The following CDK5RAP2 variants were observed in gnomAD, a reference collection of about 807,000 sequenced individuals.
CDK5RAP2 encodes CDK5 regulatory subunit associated protein 2, also known as CDK5 regulatory subunit-associated protein 2.
A neutral mutation model predicts 232.9 loss-of-function variants in CDK5RAP2; 147 were observed. The observed-to-expected ratio is 0.63, with a 90% CI of 0.55 to 0.72. The LOEUF (loss-of-function observed/expected upper bound fraction) is 0.72, where lower values mean the gene tolerates loss of function less well. Ranked by LOEUF, CDK5RAP2 falls within the 30% of genes least tolerant of loss-of-function variation. CDK5RAP2 has a pLI of 0.00. For synonymous variants in CDK5RAP2, 833 were observed against 833.7 expected, an observed-to-expected ratio of 1.00 and a Z score of 0.01; for missense variants, 2,195 against 2,231.5, an observed-to-expected ratio of 0.98 and a Z score of 0.33.
Position 120,471,864 on chromosome 9 carries a change from T to C in CDK5RAP2, c.1742A>G (p.Gln581Arg). ...GGCAAAAATCTTGTTTAACTCAGCC[T>C]GCAGGTTGTTGATACTTGGTAAAAC... is the stretch of plus-strand genomic sequence containing the variant. ...LQESDSINNL[Q>R]AELNKIFALR... The change falls in exon 16 of 38, where the codon CAG becomes CGG. Residue 581 changes from glutamine to arginine, a missense_variant. Gln to Arg is a conservative substitution (Grantham distance 43, BLOSUM62 1). Transcript: ENST00000349780. The C allele has an allele frequency of 6.2e-7, 1 of 1,614,132 alleles. No homozygotes were observed. The highest frequency in any genetic ancestry group is 8.5e-7 in the Non-Finnish European group (1 of 1,179,956).
chr9:120,412,392 C>A (rs1393625680), intron 28 of CDK5RAP2, among the ~76,000 whole-genome samples: 1 of 152,212 alleles, frequency 6.6e-6, no homozygotes, highest in African/African-American at 2.4e-5. Flanking sequence ...TCCTAGCCAC[C>A]CTGCAGTGAG....
intron 13 of CDK5RAP2, among the ~76,000 whole-genome samples, chr9:120,488,946 C>T (rs1284327515): frequency 6.6e-6 from 1 of 152,224 alleles, no homozygotes; most frequent in Non-Finnish European, 1.5e-5. Flanking sequence ...TTGTGGAACC[C>T]ATGTCTCTCT....
intron 7 of CDK5RAP2, among the ~76,000 whole-genome samples, chr9:120,530,432 G>A (rs184119281): frequency 5.1e-4 from 78 of 152,236 alleles, no homozygotes; most frequent in African/African-American, 1.8e-3. Flanking sequence ...AACAGCAGTG[G>A]ACTACTAATT....
intron 12 of CDK5RAP2, among the ~76,000 whole-genome samples, chr9:120,500,197 T>C (rs2039510993): frequency 1.3e-5 from 2 of 152,236 alleles, no homozygotes; most frequent in African/African-American, 4.8e-5. Flanking sequence ...TGCATATCTC[T>C]TAGGTCACTT....
At position 120,539,152 on chromosome 9, in the gene CDK5RAP2, C is replaced by G; in HGVS notation, c.396G>C (p.Glu132Asp). ...CAGAGCCACCTGCTTCAGCTAAGCT[C>G]TCAACTGCTTTGCTGCAAAAAGAGG... Reference protein sequence around the residue: ...QLLIKASKAVESLAEAGGSEI... With the variant: ...QLLIKASKAVDSLAEAGGSEI... Residue 132 changes from glutamate (E) to aspartate (D), a missense_variant, in exon 6 of 38, where the codon GAG (glutamate) becomes GAC (aspartate). Coordinates refer to ENST00000349780, the MANE Select transcript of CDK5RAP2 (RefSeq NM_018249.6). 1 of 1,613,930 alleles carries G rather than the reference C, an allele frequency of 6.2e-7. No homozygotes were observed. The highest frequency in any genetic ancestry group is 8.5e-7 in the Non-Finnish European group (1 of 1,179,850).
intron 35 of CDK5RAP2, 145 bp downstream of exon 35, chr9:120,400,597 G>T (rs541619263): frequency 2.1e-6 from 2 of 933,272 alleles, no homozygotes; most frequent in South Asian, 1.5e-5. Flanking sequence ...ACACAGTGAA[G>T]CCATGGCAAA....
chr9:120,394,610 T>A lies in CDK5RAP2; in HGVS notation c.5480A>T (p.Lys1827Ile). Reference sequence around the variant, plus strand: ...TTGTTCAAACAATTTTTTATGTAGTTTGGTGACCTCTGCCTTCATTTCTCC... The same window carrying A: ...TTGTTCAAACAATTTTTTATGTAGTATGGTGACCTCTGCCTTCATTTCTCC... ...QIGEMKAEVT[K>I]LHKKLFEQEK... Residue 1827 changes from lysine (K) to isoleucine (I), a missense_variant, in exon 36 of 38, where the codon AAA becomes ATA. Coordinates refer to ENST00000349780, the MANE Select transcript of CDK5RAP2 (RefSeq NM_018249.6). 6.2e-7 allele frequency: 1 copy of A among 1,614,066 alleles called. No homozygotes were observed. The highest frequency in any genetic ancestry group is 8.5e-7 in the Non-Finnish European group (1 of 1,179,952).
At chr9:120,529,564 G>A (rs993961757) in intron 8 of CDK5RAP2, among the ~76,000 whole-genome samples, 7 of 152,330 alleles carry the variant, frequency 4.6e-5, no homozygotes, top group Middle Eastern at 3.4e-3. Context: ...AGCCCGATAC[G>A]AGTTAGTCCT....
intron 14 of CDK5RAP2, among the ~76,000 whole-genome samples, chr9:120,481,307 G>T (rs2038292782): frequency 6.6e-6 from 1 of 152,070 alleles, no homozygotes; most frequent in Admixed American, 6.5e-5. Context: ...TGGGTGCTTG[G>T]CAAGGGTAAC....
chr9:120,403,269 G>A lies in CDK5RAP2; in HGVS notation c.5042-198C>T, dbSNP rs2033195411. 3.4e-6 allele frequency: 2 copies of A among 584,730 alleles called. No homozygotes were observed. The highest frequency in any genetic ancestry group is 6.1e-6 in the Non-Finnish European group (2 of 328,470). 36.2% of individuals were successfully genotyped at this position (584,730 alleles called of 1,614,324 possible). A position where few individuals can be genotyped will look rare whatever the true frequency, so the allele number is the denominator to read the frequency against. ...CCACACTGGGCTTATGAGTCATCTT[G>A]TAGGAGAGGCTCAAGTCAACTCAAC... On this transcript the variant is annotated intron_variant, in intron 33 of 37. Transcript: ENST00000349780. The surrounding 1 kb of genome is among the most constrained non-coding windows in gnomAD (Gnocchi z 4.2).
At chr9:120,409,708 ACCTTGAGGC>A (rs2131312639) in intron 29 of CDK5RAP2, among the ~76,000 whole-genome samples, 1 of 152,332 alleles carries the variant, frequency 6.6e-6, no homozygotes, top group Admixed American at 6.5e-5. Context: ...TGCAGATGGC[ACCTTGAGGC>A]CCATTCACTC....
rs529968965 is a variant in CDK5RAP2, at chr9:120,480,387, C to T, written c.1627-2937G>A. 1.7e-3 allele frequency among the ~76,000 whole-genome samples: 260 copies of T among 152,304 alleles called. 2 individuals are homozygous for T. Among genetic ancestry groups the T allele is most frequent in the African/African-American group, 5.6e-3 (231 of 41,564 alleles). Reference sequence around the variant, plus strand: ...ATGAATTGAAGGAATACTGCTATTGCTACAAACCATAGTAATACTAGTAGT... The same window carrying T: ...ATGAATTGAAGGAATACTGCTATTGTTACAAACCATAGTAATACTAGTAGT... On this transcript the variant is annotated intron_variant, in intron 14 of 37. Coordinates refer to ENST00000349780, the MANE Select transcript of CDK5RAP2 (RefSeq NM_018249.6).
intron 18 of CDK5RAP2, among the ~76,000 whole-genome samples, chr9:120,461,164 G>T (rs1195645106): frequency 6.6e-6 from 1 of 152,234 alleles, no homozygotes; most frequent in Non-Finnish European, 1.5e-5. Flanking sequence ...ACCTCTTCTT[G>T]TTGGACTGTC....
intron 6 of CDK5RAP2, among the ~76,000 whole-genome samples, chr9:120,536,795 T>A (rs1017953036): frequency 6.6e-6 from 1 of 152,134 alleles, no homozygotes; most frequent in African/African-American, 2.4e-5. Context: ...CAGATCAATA[T>A]TTACAGCTTC....
chr9:120,409,083 T>A (rs368468805), intron 30 of CDK5RAP2, 44 bp downstream of exon 30: 3 of 1,582,212 alleles, frequency 1.9e-6, no homozygotes, highest in East Asian at 2.2e-5. Flanking sequence ...AGTGCCTGCA[T>A]GCGTGGTACG....
At position 120,471,766 on chromosome 9, in the gene CDK5RAP2, C is replaced by T. The variant is rs764066941; in HGVS notation, c.1840G>A (p.Glu614Lys). 9 of 1,614,174 alleles carry T rather than the reference C, an allele frequency of 5.6e-6. No individual in the cohort carries two copies. In the South Asian group the frequency reaches 6.6e-5, roughly 12 times the overall value. ...LRKTLEEQIS[E>K]IRRREEESFS... is the part of the protein sequence containing the mutation. ...TGTGTACCTTCCCGCCTCCGAATTT[C>T]GCTGATCTGCTCCTCCAAGGTCTTC... The change falls in exon 16 of 38, where the codon GAA becomes AAA. Residue 614 changes from glutamate to lysine, a missense_variant. Physicochemically the swap from Glu to Lys is moderately conservative, Grantham distance 56. Transcript: ENST00000349780.
intron 7 of CDK5RAP2, among the ~76,000 whole-genome samples, chr9:120,535,569 G>C (rs1325214157): frequency 6.6e-6 from 1 of 152,226 alleles, no homozygotes; most frequent in African/African-American, 2.4e-5. Context: ...ATAGGTCACA[G>C]GTTAGCCAGC....
At chr9:120,441,288 T>G (rs2035882105) in intron 23 of CDK5RAP2, among the ~76,000 whole-genome samples, 1 of 152,190 alleles carries the variant, frequency 6.6e-6, no homozygotes, top group Non-Finnish European at 1.5e-5. Flanking sequence ...GGTTTCAAAC[T>G]CTGGCTCTGT....
chr9:120,485,463 T>C (rs2038549712), intron 14 of CDK5RAP2, among the ~76,000 whole-genome samples: 1 of 152,042 alleles, frequency 6.6e-6, no homozygotes, highest in African/African-American at 2.4e-5. Flanking sequence ...CCCAGCTAAT[T>C]TTTGTATTTT....
Sources: allele counts gnomAD v4.1 joint callset (sites outside exome capture counted in the v4.1 genomes callset), GRCh38; gene constraint gnomAD v4.1.1; non-coding constraint Gnocchi (gnomAD v3.1); transcripts MANE v1.5; gene names NCBI Gene and HGNC (gene_info 2026-07-23, HGNC 2026-07-21).